Variants in SUCO observed in about 807,000 individuals in gnomAD.
SUCO encodes SUN domain-containing ossification factor.
In SUCO, 57 loss-of-function variants were observed where a neutral mutation model predicts 148.1. That is an observed-to-expected ratio of 0.38 (90% confidence interval 0.31 to 0.48). The LOEUF (loss-of-function observed/expected upper bound fraction) is 0.48. Ranked by LOEUF, SUCO falls within the 20% of genes least tolerant of loss-of-function variation. The pLI, the probability that SUCO is intolerant of heterozygous loss-of-function variation, is 0.96. For missense variants in SUCO, 1,331 were observed against 1,468.2 expected (o/e 0.91, Z 1.53); for synonymous variants, 470 against 502.7 (o/e 0.93, Z 0.87).
intron 1 of SUCO, among the ~76,000 whole-genome samples, chr1:172,540,579 G>A (rs1254118412): frequency 6.6e-6 from 1 of 152,206 alleles, no homozygotes; most frequent in African/African-American, 2.4e-5. Flanking sequence ...GAACTGCATA[G>A]TAAGTGCTTA....
intron 19 of SUCO, among the ~76,000 whole-genome samples, chr1:172,593,488 T>A (rs1171947519): frequency 6.6e-6 from 1 of 152,082 alleles, no homozygotes; most frequent in Non-Finnish European, 1.5e-5. Flanking sequence ...GCATGAAGGG[T>A]TGTTGAATTT....
rs1334935652 is a variant in SUCO, at chr1:172,536,842, C to T, written c.62+3345C>T. Among the ~76,000 whole-genome samples, 3 of 152,118 alleles carry T rather than the reference C, an allele frequency of 2.0e-5. No homozygotes were observed. In the South Asian group the frequency reaches 6.2e-4, roughly 32 times the overall value. On this transcript the variant is annotated intron_variant, in intron 1 of 23. Coordinates refer to ENST00000263688, the MANE Select transcript of SUCO (RefSeq NM_014283.5). ...CCTTCCTCACATCAGCACTCCAACC[C>T]TTTTTTCAGTCCTTATGTCTACTAA...
At chr1:172,554,357 G>C (rs1278793967) in intron 3 of SUCO, among the ~76,000 whole-genome samples, 1 of 152,148 alleles carries the variant, frequency 6.6e-6, no homozygotes, top group Non-Finnish European at 1.5e-5. Flanking sequence ...ACCATGTCTT[G>C]TATACCTATG....
intron 1 of SUCO, 124 bp from the exon 2 acceptor site, chr1:172,551,388 G>A: frequency 1.8e-6 from 1 of 544,838 alleles, no homozygotes. Context: ...TATTAGGATA[G>A]GAACCATCTG....
intron 7 of SUCO, chr1:172,569,402 C>T (rs1654780937): frequency 2.0e-6 from 2 of 979,792 alleles, no homozygotes. Context: ...ATTTTCATCA[C>T]AATACGAGGA....
rs753622580 is a variant in SUCO, at chr1:172,579,191, G to A, written c.1433-11G>A. 17 of 1,519,852 alleles carry A rather than the reference G, an allele frequency of 1.1e-5. 1 individual carries two copies. Among genetic ancestry groups the A allele is most frequent in the Middle Eastern group, 1.8e-4 (1 of 5,682 alleles). 94.1% of individuals were successfully genotyped at this position (1,519,852 alleles called of 1,614,324 possible). A position where few individuals can be genotyped will look rare whatever the true frequency, so the allele number is the denominator to read the frequency against. On this transcript the variant is annotated splice_polypyrimidine_tract_variant and intron_variant, in intron 14 of 23. Transcript: ENST00000263688. ...TCTCAGCATAATTACTTTTATTTTC[G>A]TTTTTAACAGATTATCCACTGGATT...
intron 19 of SUCO, among the ~76,000 whole-genome samples, chr1:172,598,273 T>C (rs1657265445): frequency 6.6e-6 from 1 of 152,222 alleles, no homozygotes; most frequent in African/African-American, 2.4e-5. Context: ...TATGTGGGTC[T>C]GTTTCTGGGC....
upstream of SUCO, chr1:172,533,133 C>T: frequency 1.4e-6 from 2 of 1,439,938 alleles, no homozygotes; most frequent in Middle Eastern, 2.6e-4. Context: ...GCAAGGCCCC[C>T]GGCGGGCGGG....
chr1:172,575,208 G>C (rs1655346922), intron 10 of SUCO, among the ~76,000 whole-genome samples: 1 of 151,910 alleles, frequency 6.6e-6, no homozygotes, highest in South Asian at 2.1e-4. Context: ...GTGAAGAGCT[G>C]TGCCACCTTC....
chr1:172,596,568 C>T (rs1399725287), intron 19 of SUCO, among the ~76,000 whole-genome samples: 1 of 152,206 alleles, frequency 6.6e-6, no homozygotes, highest in Non-Finnish European at 1.5e-5. Context: ...CCCTGTTTGC[C>T]TGGGTATCAC....
At chr1:172,571,627 C>G (rs1173291610) in intron 9 of SUCO, among the ~76,000 whole-genome samples, 1 of 137,948 alleles carries the variant, frequency 7.2e-6, no homozygotes, top group African/African-American at 2.8e-5. Flanking sequence ...CGCCTCTTCC[C>G]TGCCGCCATC....
chr1:172,578,589 C>CT, intron 14 of SUCO, 200 bp downstream of exon 14: 1 of 932,326 alleles, frequency 1.1e-6, no homozygotes, highest in South Asian at 5.0e-5. Context: ...GCTTTCCAAG[C>CT]TTATCTATCA....
chr1:172,589,588 T>TACAGCC lies in SUCO; in HGVS notation c.2490_2495dup (p.Ala831_Thr832dup). The TACAGCC allele has an allele frequency of 3.7e-6, 6 of 1,613,756 alleles. No homozygotes were observed. The highest frequency in any genetic ancestry group is 5.1e-6 in the Non-Finnish European group (6 of 1,179,864). On this transcript the variant is annotated inframe_insertion, in exon 18 of 24. Coordinates refer to ENST00000263688, the MANE Select transcript of SUCO (RefSeq NM_014283.5). ...CTGAAACAATAGTGCCACCAATAAA[T>TACAGCC]ACAGCCACTGTACCCGACAATGAAG...
chr1:172,589,752 C>T lies in SUCO; in HGVS notation c.2651C>T (p.Ala884Val). The change falls in exon 18 of 24, where the codon GCT becomes GTT. Residue 884 changes from alanine to valine, a missense_variant. Ala to Val is a moderately conservative substitution (Grantham distance 64). This residue lies in a region of SUCO where 992 missense variants were observed against 1,093.5 expected (regional missense o/e 0.91). Coordinates refer to ENST00000263688, the MANE Select transcript of SUCO (RefSeq NM_014283.5). Reference protein sequence around the residue: ...DALLRGLQRTATDFYAELQNS... With the variant: ...DALLRGLQRTVTDFYAELQNS... ...CTTTTGAGAGGGTTACAGAGGACAG[C>T]TACAGATTTTTATGCTGAATTGCAA... 1.2e-6 allele frequency: 2 copies of T among 1,612,076 alleles called. No individual in the cohort carries two copies. The highest frequency in any genetic ancestry group is 1.7e-6 in the Non-Finnish European group (2 of 1,179,264).
chr1:172,602,542 T>G, intron 21 of SUCO, 154 bp from the exon 22 acceptor site: 1 of 984,986 alleles, frequency 1.0e-6, no homozygotes. Flanking sequence ...TCTCTAAATT[T>G]TTTTTTCCAC....
At chr1:172,537,807 G>T (rs1218314644) in intron 1 of SUCO, among the ~76,000 whole-genome samples, 1 of 152,188 alleles carries the variant, frequency 6.6e-6, no homozygotes, top group African/African-American at 2.4e-5. Context: ...ACTTACAAAG[G>T]TTTTTAGGAA....
intron 1 of SUCO, among the ~76,000 whole-genome samples, chr1:172,537,615 C>T (rs1652121930): frequency 6.6e-6 from 1 of 152,198 alleles, no homozygotes; most frequent in Admixed American, 6.5e-5. Context: ...GTGGGACTTC[C>T]ACTCTTTCCC....
intron 1 of SUCO, among the ~76,000 whole-genome samples, chr1:172,547,422 C>T (rs908660532): frequency 6.6e-6 from 1 of 152,134 alleles, no homozygotes; most frequent in Non-Finnish European, 1.5e-5. Flanking sequence ...AGAATTGCAA[C>T]TGCTGAAACG....
chr1:172,581,224 CTT>C (rs1655865120), intron 15 of SUCO, among the ~76,000 whole-genome samples: 1 of 152,170 alleles, frequency 6.6e-6, no homozygotes, highest in Non-Finnish European at 1.5e-5. Context: ...TGTTTAGATA[CTT>C]CTGTTTGGAT....
Sources: allele counts gnomAD v4.1 joint callset (sites outside exome capture counted in the v4.1 genomes callset), GRCh38; gene constraint gnomAD v4.1.1; regional missense constraint gnomAD v4.1.1; transcripts MANE v1.5; gene names NCBI Gene and HGNC (gene_info 2026-07-23, HGNC 2026-07-21).